PARP15: variants seen among roughly 807,000 people sequenced by gnomAD.
The protein encoded by PARP15 is protein mono-ADP-ribosyltransferase PARP15.
PARP15 carries 50 observed loss-of-function variants against 62.1 expected under a neutral mutation model. The observed-to-expected ratio is 0.81, with a 90% CI of 0.64 to 1.02. PARP15 has a LOEUF of 1.02. PARP15 is among the 50% of genes least tolerant of loss of function. The probability of loss-of-function intolerance (pLI) is 0.00; values close to 1 mark genes in which losing one functional copy is unlikely to be tolerated. For synonymous variants in PARP15, 309 were observed against 293.1 expected, an observed-to-expected ratio of 1.05 and a Z score of -0.55; for missense variants, 820 against 826.5, an observed-to-expected ratio of 0.99 and a Z score of 0.10.
intron 4 of PARP15, chr3:122,615,207 G>A (rs1336155442): frequency 7.9e-7 from 1 of 1,266,746 alleles, no homozygotes; most frequent in African/African-American, 1.5e-5. Flanking sequence ...CGACCAAAAT[G>A]CCTTTTTGTT....
At chr3:122,629,105 T>C (rs1017110016) in intron 9 of PARP15, among the ~76,000 whole-genome samples, 3 of 152,134 alleles carry the variant, frequency 2.0e-5, no homozygotes, top group Non-Finnish European at 4.4e-5. Context: ...GGCTTAAGTG[T>C]GAGAATAAAC....
intron 3 of PARP15, 40 bp downstream of exon 3, chr3:122,610,770 T>C (rs1451403790): frequency 2.1e-6 from 3 of 1,451,742 alleles, no homozygotes; most frequent in Admixed American, 5.4e-5. Context: ...TTGGGTGGCT[T>C]TGGGAATCTC....
At position 122,638,741 on chromosome 3, in the gene PARP15, T is replaced by G. The variant is rs900507449; in HGVS notation, c.*2641T>G. 1 of 152,192 alleles carries G rather than the reference T, an allele frequency of 6.6e-6. No homozygotes were observed. The highest frequency in any genetic ancestry group is 2.4e-5 in the African/African-American group (1 of 41,458). 9.4% of individuals were successfully genotyped at this position (152,192 alleles called of 1,614,324 possible). ...GTAGATTGCAAAAATTTTCTCCCAT[T>G]CTGTAGGTTGCCTGTTCACTCTGAT... On this transcript the variant is annotated 3_prime_UTR_variant, in exon 12 of 12. Transcript: ENST00000464300.
intron 4 of PARP15, among the ~76,000 whole-genome samples, chr3:122,613,502 A>C (rs1225284354): frequency 6.6e-6 from 1 of 152,250 alleles, no homozygotes; most frequent in Non-Finnish European, 1.5e-5. Context: ...AAAGAAGTGG[A>C]AAGTTATTGG....
chr3:122,615,708 C>G, intron 4 of PARP15, 71 bp from the exon 5 acceptor site: 21 of 1,604,322 alleles, frequency 1.3e-5, no homozygotes, highest in Non-Finnish European at 1.8e-5. Flanking sequence ...ATCTGATGAT[C>G]AATGCTCCAA....
At chr3:122,614,416 G>A (rs1468639064) in intron 4 of PARP15, among the ~76,000 whole-genome samples, 2 of 152,096 alleles carry the variant, frequency 1.3e-5, no homozygotes, top group Non-Finnish European at 2.9e-5. Flanking sequence ...TTCCAGAGAT[G>A]TTTCCCAGAG....
intron 9 of PARP15, among the ~76,000 whole-genome samples, chr3:122,630,173 A>G (rs1469772936): frequency 6.6e-6 from 1 of 152,200 alleles, no homozygotes; most frequent in Non-Finnish European, 1.5e-5. Flanking sequence ...GTGGGCTGCA[A>G]GTCAACAGTG....
chr3:122,609,265 C>A (rs1429932177), intron 2 of PARP15, among the ~76,000 whole-genome samples: 1 of 152,092 alleles, frequency 6.6e-6, no homozygotes, highest in Non-Finnish European at 1.5e-5. Context: ...TCATATAATA[C>A]CTCATATGCT....
At chr3:122,620,536 T>TC (rs1936272024) in intron 7 of PARP15, among the ~76,000 whole-genome samples, 2 of 152,196 alleles carry the variant, frequency 1.3e-5, no homozygotes, top group African/African-American at 4.8e-5. Flanking sequence ...TTAGTAGCTG[T>TC]CCTCTGATTA....
intron 6 of PARP15, among the ~76,000 whole-genome samples, chr3:122,617,721 A>G (rs1936075856): frequency 6.6e-6 from 1 of 152,070 alleles, no homozygotes; most frequent in African/African-American, 2.4e-5. Flanking sequence ...ACTTATACAC[A>G]TACACTCAAC....
chr3:122,577,704 A>G lies in PARP15; in HGVS notation c.37A>G (p.Ser13Gly). The change falls in exon 1 of 12, where the codon AGT becomes GGT. Residue 13 changes from serine (S) to glycine (G), a missense_variant. Ser to Gly is a moderately conservative substitution (Grantham distance 56). Transcript: ENST00000464300. ...AGGCCCCCTTCCTGCCGCTGCTCTGAGTCCAGGGGCTCCGACCCCCAGAGA... is the reference window on the plus strand; with the variant it reads ...AGGCCCCCTTCCTGCCGCTGCTCTGGGTCCAGGGGCTCCGACCCCCAGAGA... Reference protein sequence around the residue: ...APGPLPAAALSPGAPTPRELM... With the variant: ...APGPLPAAALGPGAPTPRELM... 1 of 1,551,654 alleles carries G rather than the reference A, an allele frequency of 6.4e-7. No individual in the cohort carries two copies. Among genetic ancestry groups the G allele is most frequent in the Non-Finnish European group, 8.7e-7 (1 of 1,146,944 alleles).
intron 11 of PARP15, 109 bp downstream of exon 11, chr3:122,635,303 G>T: frequency 1.0e-6 from 1 of 959,520 alleles, no homozygotes; most frequent in Non-Finnish European, 1.5e-6. Flanking sequence ...ATCACTGTCA[G>T]AATAGAGCTC....
At chr3:122,628,248 A>G (rs1936854988) in intron 9 of PARP15, among the ~76,000 whole-genome samples, 1 of 152,140 alleles carries the variant, frequency 6.6e-6, no homozygotes, top group South Asian at 2.1e-4. Context: ...AGTCTTTCTG[A>G]TTGGACCATT....
In PARP15 at chr3:122,599,546, C is replaced by CTTTCTT. The variant is rs200837429; in HGVS notation, c.187-6389_187-6388insTTCTTT. Reference sequence around the variant, plus strand: ...TTCTTTTCTTTCCTTTCCTTTCTCTCTCTTTCTTTCTTTTTCTTTCCTTTT... The same window carrying CTTTCTT: ...TTCTTTTCTTTCCTTTCCTTTCTCTCTTTCTTTCTTTCTTTCTTTTTCTTTCCTTTT... On this transcript the variant is annotated intron_variant, in intron 1 of 11. Transcript: ENST00000464300. Among the ~76,000 whole-genome samples the CTTTCTT allele has an allele frequency of 6.4e-5, 8 of 124,098 alleles. No homozygotes were observed. In the East Asian group the frequency reaches 1.9e-3, roughly 30 times the overall value. The allele number at this position is 124,098 out of a possible 152,430, so 81.4% of individuals were successfully genotyped here.
In PARP15 at chr3:122,635,806, T is replaced by C. The variant is rs765134213; in HGVS notation, c.1748-5T>C. 6.8e-6 allele frequency: 11 copies of C among 1,607,750 alleles called. 1 individual carries two copies. In the South Asian group the frequency reaches 8.8e-5, roughly 13 times the overall value. Reference sequence around the variant, plus strand: ...TTAGGAAGGTTTTTGTCTTTCTCTTTCCAGCTGTATCCTATGGAAAAGGAA... The same window carrying C: ...TTAGGAAGGTTTTTGTCTTTCTCTTCCCAGCTGTATCCTATGGAAAAGGAA... On this transcript the variant is annotated splice_polypyrimidine_tract_variant and splice_region_variant and intron_variant, in intron 11 of 11. Coordinates refer to ENST00000464300, the MANE Select transcript of PARP15 (RefSeq NM_001113523.3).
At chr3:122,601,196 G>T (rs1421528973) in intron 1 of PARP15, among the ~76,000 whole-genome samples, 1 of 151,774 alleles carries the variant, frequency 6.6e-6, no homozygotes, top group African/African-American at 2.4e-5. Flanking sequence ...GCTAATTTTT[G>T]TATTTTTAGT....
intron 1 of PARP15, among the ~76,000 whole-genome samples, chr3:122,605,129 T>C (rs575700550): frequency 6.6e-6 from 1 of 152,250 alleles, no homozygotes; most frequent in Admixed American, 6.5e-5. Flanking sequence ...GGGAAACTCA[T>C]AGTGAATCTC....
At chr3:122,593,096 C>CTATCTATCTATCTATG (rs1559933383) in intron 1 of PARP15, among the ~76,000 whole-genome samples, 2 of 66,602 alleles carry the variant, frequency 3.0e-5, no homozygotes, top group Non-Finnish European at 8.1e-5. Context: ...ATCTGTCTAT[C>CTATCTATCTATCTATG]TATCTATCTA....
chr3:122,579,144 G>A (rs1425272519), intron 1 of PARP15, among the ~76,000 whole-genome samples: 4 of 152,128 alleles, frequency 2.6e-5, no homozygotes, highest in Admixed American at 2.6e-4. Context: ...ATGTTTTGAA[G>A]CACATAGAAA....
Sources: gnomAD v4.1 joint callset for allele counts (sites outside exome capture counted in the v4.1 genomes callset) on GRCh38, gnomAD v4.1.1 for gene constraint, MANE v1.5 for transcripts, NCBI Gene and HGNC (gene_info 2026-07-23, HGNC 2026-07-21) for gene names.